The following MGAT4C variants were observed in gnomAD, a reference collection of about 807,000 sequenced individuals.
MGAT4C encodes MGAT4 family member C, also known as alpha-1,3-mannosyl-glycoprotein 4-beta-N-acetylglucosaminyltransferase C.
MGAT4C carries 19 observed loss-of-function variants against 40.1 expected under a neutral mutation model. The ratio of observed to expected loss-of-function variants is 0.47; its 90% CI spans 0.33 to 0.70. The LOEUF (loss-of-function observed/expected upper bound fraction) is 0.70. Ranked by LOEUF, MGAT4C falls within the 30% of genes least tolerant of loss-of-function variation. The probability of loss-of-function intolerance (pLI) is 0.02; values close to 1 mark genes in which losing one functional copy is unlikely to be tolerated. For synonymous variants in MGAT4C, 181 were observed against 187.1 expected, an observed-to-expected ratio of 0.97 and a Z score of 0.27; for missense variants, 491 against 563.2, an observed-to-expected ratio of 0.87 and a Z score of 1.30.
chr12:86,682,860 T>C (rs910611043), intron 2 of MGAT4C, among the ~76,000 whole-genome samples: 9 of 152,148 alleles, frequency 5.9e-5, no homozygotes, highest in African/African-American at 2.2e-4. Flanking sequence ...TTAGGAGATA[T>C]AAAGAATGAT....
chr12:86,245,310 T>A (rs1286621293), intron 1 of MGAT4C, among the ~76,000 whole-genome samples: 1 of 152,178 alleles, frequency 6.6e-6, no homozygotes, highest in Non-Finnish European at 1.5e-5. Context: ...CAGGTTAGCA[T>A]GCCAGGTTTC....
At chr12:86,689,075 C>T (rs899983120) in intron 2 of MGAT4C, among the ~76,000 whole-genome samples, 1 of 152,128 alleles carries the variant, frequency 6.6e-6, no homozygotes, top group African/African-American at 2.4e-5. Flanking sequence ...TGTCTTCACA[C>T]CTTATTTTGT....
intron 1 of MGAT4C, among the ~76,000 whole-genome samples, chr12:86,146,918 A>G (rs1403696515): frequency 2.0e-5 from 3 of 151,950 alleles, no homozygotes; most frequent in Non-Finnish European, 4.4e-5. Context: ...AATGTCCTAC[A>G]TATATTAAAC....
At chr12:86,450,698 CTTCT>C (rs1204370642) in intron 2 of MGAT4C, among the ~76,000 whole-genome samples, 2 of 151,898 alleles carry the variant, frequency 1.3e-5, no homozygotes, top group Middle Eastern at 3.2e-3. Flanking sequence ...GGTGATCAAG[CTTCT>C]TTCTTTTTCT....
In MGAT4C at chr12:86,226,727, T is replaced by A. The variant is rs73387519; in HGVS notation, c.-57+29512A>T. ...TACTTTATGATCTGATTTCATCTGC[T>A]TATACACACTCCCAGACACCTCTTT... On this transcript the variant is annotated intron_variant, in intron 1 of 4. Transcript: ENST00000611864. 4.9e-3 allele frequency among the ~76,000 whole-genome samples: 749 copies of A among 152,048 alleles called. 3 individuals are homozygous for A. The highest frequency in any genetic ancestry group is 0.017 in the African/African-American group (727 of 41,552).
chr12:86,036,377 G>A (rs11503597), intron 2 of MGAT4C, among the ~76,000 whole-genome samples: 6,326 of 149,782 alleles, frequency 0.042, 512 homozygotes, highest in Middle Eastern at 0.071. Context: ...GAGAGAGGGC[G>A]TCCGTGTCTT....
chr12:86,539,173 C>T (rs1298144939), intron 2 of MGAT4C, among the ~76,000 whole-genome samples: 1 of 150,720 alleles, frequency 6.6e-6, no homozygotes, highest in East Asian at 2.0e-4. Flanking sequence ...ATCCCTTCCC[C>T]CTCCCCCGAC....
chr12:86,616,510 T>C (rs1255387321), intron 2 of MGAT4C, among the ~76,000 whole-genome samples: 1 of 152,256 alleles, frequency 6.6e-6, no homozygotes, highest in African/African-American at 2.4e-5. Flanking sequence ...ATTTCACAAG[T>C]GTAGTTCATG....
intron 1 of MGAT4C, among the ~76,000 whole-genome samples, chr12:86,812,247 T>C (rs1952492520): frequency 6.6e-6 from 1 of 152,072 alleles, no homozygotes; most frequent in African/African-American, 2.4e-5. Flanking sequence ...AATGTTCTGT[T>C]GATTGTTGAA....
intron 2 of MGAT4C, among the ~76,000 whole-genome samples, chr12:86,543,471 G>A (rs983226615): frequency 3.3e-5 from 5 of 151,454 alleles, no homozygotes; most frequent in African/African-American, 1.2e-4. Flanking sequence ...TTTAAGACAT[G>A]GTATTTAGCT....
At chr12:86,316,754 T>A (rs1374643343) in intron 4 of MGAT4C, among the ~76,000 whole-genome samples, 1 of 152,128 alleles carries the variant, frequency 6.6e-6, no homozygotes, top group Non-Finnish European at 1.5e-5. Flanking sequence ...AAACTAACTC[T>A]TGGGGACTAT....
intron 3 of MGAT4C, among the ~76,000 whole-genome samples, chr12:86,429,018 T>C (rs1478527537): frequency 1.3e-5 from 2 of 152,116 alleles, no homozygotes; most frequent in Non-Finnish European, 2.9e-5. Context: ...TTGTTCTTTT[T>C]CTATTAATAG....
At chr12:86,395,285 A>T (rs1592786569) in intron 3 of MGAT4C, among the ~76,000 whole-genome samples, 1 of 152,178 alleles carries the variant, frequency 6.6e-6, no homozygotes. Flanking sequence ...TTTGCATTAT[A>T]CAGAGGTTCT....
chr12:86,252,374 A>C (rs938685817), intron 1 of MGAT4C, among the ~76,000 whole-genome samples: 8 of 152,042 alleles, frequency 5.3e-5, no homozygotes, highest in African/African-American at 1.9e-4. Flanking sequence ...TTTGTTGTAC[A>C]ATTTATATGT....
intron 1 of MGAT4C, among the ~76,000 whole-genome samples, chr12:86,126,394 C>A (rs2135698752): frequency 6.6e-6 from 1 of 152,014 alleles, no homozygotes; most frequent in Admixed American, 6.5e-5. Flanking sequence ...CTTAAGACAT[C>A]AACAAAGAAT....
chr12:86,435,533 A>C (rs182764686), intron 2 of MGAT4C, among the ~76,000 whole-genome samples: 15 of 151,962 alleles, frequency 9.9e-5, no homozygotes, highest in Non-Finnish European at 1.5e-5. Context: ...ACACAATTAT[A>C]AATCAAGATG....
rs763482429 is a variant in MGAT4C at position 86,774,317 on chromosome 12, T to TTCTTTCTTTCTTTCTTTCTTTCTTTC, written c.-261-47077_-261-47076insGAAAGAAAGAAAGAAAGAAAGAAAGA. Among the ~76,000 whole-genome samples the TTCTTTCTTTCTTTCTTTCTTTCTTTC allele has an allele frequency of 5.0e-3, 335 of 66,496 alleles. 45 individuals carry two copies. Among genetic ancestry groups the TTCTTTCTTTCTTTCTTTCTTTCTTTC allele is most frequent in the Non-Finnish European group, 8.6e-3 (250 of 29,010 alleles). The allele number at this position is 66,496 out of a possible 152,430, so 43.6% of individuals were successfully genotyped here. On this transcript the variant is annotated intron_variant, in intron 1 of 7. Transcript: ENST00000548651. The stretch of plus-strand genomic sequence containing the variant: ...TTTCTTTCTTTCTTTCTTTCTTTCT[T>TTCTTTCTTTCTTTCTTTCTTTCTTTC]TCTTTCTTTCTTTCTTTCTTTCTGT...
At chr12:86,388,072 A>C (rs1956090112) in intron 3 of MGAT4C, among the ~76,000 whole-genome samples, 1 of 152,146 alleles carries the variant, frequency 6.6e-6, no homozygotes, top group Non-Finnish European at 1.5e-5. Flanking sequence ...TAATAATATA[A>C]ATATTCAAGC....
intron 1 of MGAT4C, among the ~76,000 whole-genome samples, chr12:86,743,941 G>A (rs1362286955): frequency 6.6e-6 from 1 of 151,638 alleles, no homozygotes; most frequent in Admixed American, 6.6e-5. Flanking sequence ...AAAATGTAGT[G>A]ATTTAGGAGA....
Sources: gnomAD v4.1 joint callset for allele counts (sites outside exome capture counted in the v4.1 genomes callset) on GRCh38, gnomAD v4.1.1 for gene constraint, MANE v1.5 for transcripts, NCBI Gene and HGNC (gene_info 2026-07-23, HGNC 2026-07-21) for gene names.